The following CAST variants were observed in gnomAD, a reference collection of about 807,000 sequenced individuals.
The protein encoded by CAST is calpastatin.
A neutral mutation model predicts 119.6 loss-of-function variants in CAST; 76 were observed. The ratio of observed to expected loss-of-function variants is 0.64; its 90% CI spans 0.53 to 0.77. The LOEUF (loss-of-function observed/expected upper bound fraction) is 0.77. Among genes scored for constraint, CAST ranks in the 30% least tolerant of loss-of-function variants. CAST has a pLI of 0.00. For synonymous variants in CAST, 319 were observed against 331.6 expected, an observed-to-expected ratio of 0.96 and a Z score of 0.41; for missense variants, 953 against 946.5, an observed-to-expected ratio of 1.01 and a Z score of -0.09.
intron 2 of CAST, among the ~76,000 whole-genome samples, chr5:96,681,273 G>A (rs1320739945): frequency 6.6e-6 from 1 of 151,748 alleles, no homozygotes; most frequent in Non-Finnish European, 1.5e-5. Context: ...AACATCCTTG[G>A]GTCACAGTTT....
chr5:96,358,845 GT>G, the CAST span, among the ~76,000 whole-genome samples: 3 of 152,102 alleles, frequency 2.0e-5, no homozygotes, highest in Non-Finnish European at 4.4e-5. Flanking sequence ...TGTCTCTTAG[GT>G]CTACTTGGTC....
At chr5:96,094,996 G>C in the CAST span, among the ~76,000 whole-genome samples, 1 of 152,248 alleles carries the variant, frequency 6.6e-6, no homozygotes, top group South Asian at 2.1e-4. Flanking sequence ...AAAAAAATGA[G>C]TATTCCATTT....
chr5:96,079,141 T>C, the CAST span: 1 of 475,874 alleles, frequency 2.1e-6, no homozygotes, highest in South Asian at 1.5e-5. Context: ...ATCTTACAAC[T>C]CACACATTAA....
At chr5:96,027,268 T>C in the CAST span, among the ~76,000 whole-genome samples, 2 of 152,122 alleles carry the variant, frequency 1.3e-5, no homozygotes, top group African/African-American at 4.8e-5. Context: ...TATCAGCAAC[T>C]AGATGGACAT....
chr5:96,264,161 A>T, the CAST span, among the ~76,000 whole-genome samples: 15 of 152,358 alleles, frequency 9.8e-5, no homozygotes, highest in African/African-American at 3.4e-4. Flanking sequence ...TCCTCTGTCA[A>T]TGTCTTCTGA....
chr5:96,436,917 A>G, the CAST span, among the ~76,000 whole-genome samples: 1 of 152,210 alleles, frequency 6.6e-6, no homozygotes, highest in Non-Finnish European at 1.5e-5. Context: ...TACTTAGAGT[A>G]TGAACTCCTC....
At chr5:96,425,623 ATC>A in the CAST span, among the ~76,000 whole-genome samples, 7 of 152,164 alleles carry the variant, frequency 4.6e-5, 1 homozygote, top group South Asian at 4.1e-4. Context: ...AGCTAAAGAT[ATC>A]TGTTTCCAAC....
At chr5:96,272,805 C>A in the CAST span, among the ~76,000 whole-genome samples, 1 of 152,074 alleles carries the variant, frequency 6.6e-6, no homozygotes, top group African/African-American at 2.4e-5. Context: ...ATTCCAATCA[C>A]ACTGATTTGA....
chr5:96,006,859 G>A, the CAST span, among the ~76,000 whole-genome samples: 1 of 152,178 alleles, frequency 6.6e-6, no homozygotes, highest in African/African-American at 2.4e-5. Flanking sequence ...TTAAGAACTG[G>A]ACATTGCAGG....
chr5:96,763,520 G>A (rs1169390735), intron 25 of CAST, among the ~76,000 whole-genome samples: 6 of 152,138 alleles, frequency 3.9e-5, no homozygotes. Context: ...GTAAACATTT[G>A]CAATCAAAAA....
chr5:96,189,893 A>G, the CAST span, among the ~76,000 whole-genome samples: 3 of 152,166 alleles, frequency 2.0e-5, no homozygotes, highest in African/African-American at 7.2e-5. Flanking sequence ...CTATTCTTGC[A>G]TGTTTACTAT....
At chr5:96,305,139 G>C in the CAST span, among the ~76,000 whole-genome samples, 1 of 152,134 alleles carries the variant, frequency 6.6e-6, no homozygotes, top group Non-Finnish European at 1.5e-5. Context: ...GTAGTGGTTT[G>C]TAGTTCTCCT....
intron 19 of CAST, among the ~76,000 whole-genome samples, chr5:96,749,195 C>A (rs1764433651): frequency 6.6e-6 from 1 of 152,160 alleles, no homozygotes; most frequent in African/African-American, 2.4e-5. Flanking sequence ...AAGTCTTACT[C>A]ATCTTTTCAA....
At chr5:96,383,571 G>A in the CAST span, among the ~76,000 whole-genome samples, 2 of 152,182 alleles carry the variant, frequency 1.3e-5, no homozygotes, top group Admixed American at 6.5e-5. Context: ...TCAGCCTCCC[G>A]AGTAGCTGGG....
chr5:96,656,313 C>T (rs1431983406), intron 1 of CAST, among the ~76,000 whole-genome samples: 2 of 152,154 alleles, frequency 1.3e-5, no homozygotes, highest in Non-Finnish European at 2.9e-5. Flanking sequence ...GAAAAAGCAA[C>T]TTGTACTGTT....
chr5:96,659,769 C>T (rs1748219989), upstream of CAST, among the ~76,000 whole-genome samples: 1 of 152,078 alleles, frequency 6.6e-6, no homozygotes, highest in African/African-American at 2.4e-5. Flanking sequence ...AGCTCAGGCA[C>T]TCTGCCCACC....
chr5:96,555,741 G>C (rs1020947562), intron 1 of CAST, among the ~76,000 whole-genome samples: 1 of 152,216 alleles, frequency 6.6e-6, no homozygotes, highest in Non-Finnish European at 1.5e-5. Context: ...CTCAAACTGG[G>C]TGGAGCCCAC....
the CAST span, among the ~76,000 whole-genome samples, chr5:96,403,194 A>T: frequency 1.3e-5 from 2 of 152,178 alleles, no homozygotes; most frequent in Non-Finnish European, 2.9e-5. Context: ...TGTTTTAAAA[A>T]TTTCCTTTAT....
chr5:96,471,764 CTGTG>C, the CAST span, among the ~76,000 whole-genome samples: 2,232 of 70,618 alleles, frequency 0.032, 63 homozygotes, highest in African/African-American at 0.11. Flanking sequence ...CAAATGGAGT[CTGTG>C]TGTGTGTGTG....
Sources: allele counts gnomAD v4.1 joint callset (sites outside exome capture counted in the v4.1 genomes callset), GRCh38; gene constraint gnomAD v4.1.1; transcripts MANE v1.5; gene names NCBI Gene and HGNC (gene_info 2026-07-23, HGNC 2026-07-21).